The following GRK3 variants were observed in gnomAD, a reference collection of about 807,000 sequenced individuals.
GRK3 encodes adrenergic, beta, receptor kinase 2.
GRK3 carries 54 observed loss-of-function variants against 95.7 expected under a neutral mutation model. The observed-to-expected ratio is 0.56, with a 90% CI of 0.45 to 0.71. GRK3 has a LOEUF of 0.71. Among genes scored for constraint, GRK3 ranks in the 30% least tolerant of loss-of-function variants. The pLI, the probability that GRK3 is intolerant of heterozygous loss-of-function variation, is 0.00. For synonymous variants in GRK3, 281 were observed against 290.8 expected, an observed-to-expected ratio of 0.97 and a Z score of 0.34; for missense variants, 649 against 851.2, an observed-to-expected ratio of 0.76 and a Z score of 2.96.
chr22:25,565,204 C>T (rs1320545392), intron 1 of GRK3, 51 bp downstream of exon 1: 2 of 990,600 alleles, frequency 2.0e-6, no homozygotes, highest in African/African-American at 3.5e-5. Context: ...CCCCTGCGGC[C>T]GCCAGCTACC....
intron 1 of GRK3, among the ~76,000 whole-genome samples, chr22:25,601,273 T>C (rs189948552): frequency 1.6e-4 from 25 of 152,232 alleles, no homozygotes; most frequent in Admixed American, 1.5e-3. Context: ...AAAACACATA[T>C]CAACAAATCA....
intron 3 of GRK3, among the ~76,000 whole-genome samples, chr22:25,647,948 T>TA (rs111301371): frequency 4.6e-4 from 67 of 147,164 alleles, no homozygotes; most frequent in Admixed American, 1.3e-3. Flanking sequence ...CCATCTCTAC[T>TA]AAAAAAAAAA....
chr22:25,575,981 G>A (rs1051203458), intron 1 of GRK3, among the ~76,000 whole-genome samples: 3 of 152,134 alleles, frequency 2.0e-5, no homozygotes, highest in Non-Finnish European at 2.9e-5. Flanking sequence ...CTTCCTATAG[G>A]CCTCTGGTTC....
chr22:25,648,519 A>T, intron 3 of GRK3: 1 of 1,456,258 alleles, frequency 6.9e-7, no homozygotes, highest in South Asian at 1.2e-5. Context: ...AGCAATCAAA[A>T]CACTAAAACC....
chr22:25,566,907 T>TTTG (rs1555913827), intron 1 of GRK3, among the ~76,000 whole-genome samples: 152 of 149,282 alleles, frequency 1.0e-3, no homozygotes, highest in African/African-American at 3.7e-3. Context: ...GTTTTTTTTT[T>TTTG]GGGGGGGGCT....
chr22:25,688,097 G>A (rs111435423), intron 11 of GRK3, among the ~76,000 whole-genome samples: 3,910 of 152,042 alleles, frequency 0.026, 57 homozygotes, highest in East Asian at 0.039. Context: ...TTAGCCGGGC[G>A]TGGTGGCAGG....
Position 25,688,214 on chromosome 22 carries a change from C to T in GRK3, c.957+547C>T, listed in dbSNP as rs528038630. On this transcript the variant is annotated intron_variant, in intron 11 of 20. Coordinates refer to ENST00000324198, the MANE Select transcript of GRK3 (RefSeq NM_005160.4). The stretch of plus-strand genomic sequence containing the variant: ...TTGCACCACTGCACTCCAGCCTGGA[C>T]AACAGAGCAAGACTCTGTCTCAAAA... Among the ~76,000 whole-genome samples the T allele has an allele frequency of 4.4e-4, 50 of 113,574 alleles. 1 individual carries two copies. The Admixed American group carries it at 6.0e-3, about 14-fold the overall frequency. The allele number at this position is 113,574 out of a possible 152,430, so 74.5% of individuals were successfully genotyped here. A position where few individuals can be genotyped will look rare whatever the true frequency, so the allele number is the denominator to read the frequency against.
chr22:25,628,942 CTAA>C (rs1380005538), intron 2 of GRK3, among the ~76,000 whole-genome samples: 1 of 152,086 alleles, frequency 6.6e-6, no homozygotes, highest in Non-Finnish European at 1.5e-5. Context: ...ATGGAAGAAA[CTAA>C]TAACAGCAGG....
chr22:25,615,015 G>A (rs149412422), intron 2 of GRK3, among the ~76,000 whole-genome samples: 2,605 of 152,300 alleles, frequency 0.017, 35 homozygotes, highest in Middle Eastern at 0.027. Context: ...CAGTTGTTAA[G>A]TGTGTTTACT....
chr22:25,612,128 C>T (rs576175397), intron 2 of GRK3, among the ~76,000 whole-genome samples: 4 of 152,178 alleles, frequency 2.6e-5, no homozygotes, highest in East Asian at 3.9e-4. Flanking sequence ...CCACCAAGCC[C>T]GGCCTTTAGT....
At chr22:25,658,304 T>C (rs897777292) in intron 3 of GRK3, among the ~76,000 whole-genome samples, 1 of 152,206 alleles carries the variant, frequency 6.6e-6, no homozygotes, top group African/African-American at 2.4e-5. Context: ...TCTGTTATGC[T>C]CCTCCAAGGT....
intron 2 of GRK3, among the ~76,000 whole-genome samples, chr22:25,611,151 G>A (rs1308631093): frequency 3.9e-5 from 6 of 152,154 alleles, no homozygotes; most frequent in South Asian, 4.2e-4. Flanking sequence ...CATGAGCCAC[G>A]GTGTCCGGCC....
chr22:25,685,095 G>T, intron 9 of GRK3, 75 bp from the exon 10 acceptor site: 1 of 894,788 alleles, frequency 1.1e-6, no homozygotes, highest in East Asian at 2.4e-5. Flanking sequence ...AAAATATGTA[G>T]CATGGTGTTT....
chr22:25,695,889 C>T (rs2085204428), intron 13 of GRK3, among the ~76,000 whole-genome samples: 1 of 149,284 alleles, frequency 6.7e-6, no homozygotes, highest in Non-Finnish European at 1.5e-5. Flanking sequence ...GGCTGGAGTG[C>T]AGTGGCACAT....
intron 1 of GRK3, among the ~76,000 whole-genome samples, chr22:25,579,703 A>G (rs1306710063): frequency 6.6e-6 from 1 of 151,736 alleles, no homozygotes; most frequent in Non-Finnish European, 1.5e-5. Context: ...CGATCTCCTG[A>G]CCTCGTGATC....
chr22:25,612,298 C>T (rs2084504046), intron 2 of GRK3, among the ~76,000 whole-genome samples: 1 of 152,052 alleles, frequency 6.6e-6, no homozygotes, highest in Non-Finnish European at 1.5e-5. Flanking sequence ...ATCTTTTTTG[C>T]ATGTGGATAT....
chr22:25,567,255 C>G (rs979568651), intron 1 of GRK3, among the ~76,000 whole-genome samples: 1 of 152,180 alleles, frequency 6.6e-6, no homozygotes, highest in African/African-American at 2.4e-5. Context: ...TTGGAACCTC[C>G]TCCTGAGATT....
At chr22:25,580,851 G>A (rs1932073871) in intron 1 of GRK3, among the ~76,000 whole-genome samples, 1 of 152,212 alleles carries the variant, frequency 6.6e-6, no homozygotes, top group Admixed American at 6.5e-5. Flanking sequence ...TAAGTCGAGT[G>A]GAGTGGCTCA....
At chr22:25,643,286 ACCCTGGTAAAGTCTGGCT>A (rs2084756553) in intron 2 of GRK3, among the ~76,000 whole-genome samples, 1 of 152,160 alleles carries the variant, frequency 6.6e-6, no homozygotes, top group Non-Finnish European at 1.5e-5. Context: ...TGTGCGCCTG[ACCCTGGTAAAGTCTGGCT>A]ATGCCTATTT....
Sources: gnomAD v4.1 joint callset for allele counts (sites outside exome capture counted in the v4.1 genomes callset) on GRCh38, gnomAD v4.1.1 for gene constraint, MANE v1.5 for transcripts, NCBI Gene and HGNC (gene_info 2026-07-23, HGNC 2026-07-21) for gene names.